The following GXYLT1 variants were observed in gnomAD, a reference collection of about 807,000 sequenced individuals.
GXYLT1 encodes the protein glycosyltransferase 8 domain containing 3.
GXYLT1 carries 29 observed loss-of-function variants against 54.0 expected under a neutral mutation model. The ratio of observed to expected loss-of-function variants is 0.54; its 90% confidence interval spans 0.40 to 0.73. The LOEUF is 0.73. Among genes scored for constraint, GXYLT1 ranks in the 30% least tolerant of loss-of-function variants. The probability of loss-of-function intolerance (pLI) is 0.00; values close to 1 mark genes in which losing one functional copy is unlikely to be tolerated. For missense variants in GXYLT1, 490 were observed against 553.4 expected (o/e 0.89, Z 1.15); for synonymous variants, 176 against 204.1 (o/e 0.86, Z 1.17).
At chr12:42,093,201 G>T (rs575586254) in intron 7 of GXYLT1, among the ~76,000 whole-genome samples, 1 of 152,184 alleles carries the variant, frequency 6.6e-6, no homozygotes, top group African/African-American at 2.4e-5. Context: ...AGGTTCAAGC[G>T]ATTCTCTTGC....
intron 3 of GXYLT1, among the ~76,000 whole-genome samples, chr12:42,118,620 G>A (rs912261266): frequency 2.0e-4 from 31 of 152,180 alleles, no homozygotes; most frequent in African/African-American, 7.5e-4. Flanking sequence ...ATCTCAAATT[G>A]TAATTCCCAC....
chr12:42,106,151 C>A, intron 4 of GXYLT1, 82 bp from the exon 5 acceptor site: 1 of 898,106 alleles, frequency 1.1e-6, no homozygotes, highest in South Asian at 1.6e-5. Flanking sequence ...GTGTAAGATA[C>A]ACCTAAGAGA....
intron 2 of GXYLT1, among the ~76,000 whole-genome samples, chr12:42,120,826 G>A (rs571543940): frequency 5.3e-5 from 8 of 152,180 alleles, no homozygotes; most frequent in East Asian, 1.9e-4. Flanking sequence ...ATGAGCCAGC[G>A]CACCTGGCCA....
chr12:42,111,308 G>A (rs1216535435), intron 3 of GXYLT1, among the ~76,000 whole-genome samples: 1 of 152,266 alleles, frequency 6.6e-6, no homozygotes, highest in Non-Finnish European at 1.5e-5. Context: ...AGCGCACCGT[G>A]CGCGAGCCGA....
chr12:42,095,066 G>C (rs564211225), intron 7 of GXYLT1, among the ~76,000 whole-genome samples: 1 of 152,092 alleles, frequency 6.6e-6, no homozygotes, highest in Non-Finnish European at 1.5e-5. Context: ...AACTTCACTC[G>C]TAAGAGAAAT....
rs824695 is a variant in GXYLT1 at position 42,109,703 on chromosome 12, T to A, written c.487-12A>T. On this transcript the variant is annotated splice_polypyrimidine_tract_variant and intron_variant, in intron 3 of 7. Coordinates refer to ENST00000398675, the MANE Select transcript of GXYLT1 (RefSeq NM_173601.2). ...GACCAGTTGTCAAGCTAAAACAATT[T>A]AAAAAAAAACTGTTTAGTTTCACTC... is the stretch of plus-strand genomic sequence containing the variant. 1,347,155 of 1,390,230 alleles carry A rather than the reference T, an allele frequency of 0.97. 652,806 individuals are homozygous for A. Among genetic ancestry groups the A allele is most frequent in the East Asian group, 1 (40,580 of 40,722 alleles). The allele number at this position is 1,390,230 out of a possible 1,614,324, so 86.1% of individuals were successfully genotyped here. A position where few individuals can be genotyped will look rare whatever the true frequency, so the allele number is the denominator to read the frequency against.
At chr12:42,089,950 A>G (rs911107007) in intron 7 of GXYLT1, among the ~76,000 whole-genome samples, 12 of 152,228 alleles carry the variant, frequency 7.9e-5, no homozygotes, top group Admixed American at 3.3e-4. Context: ...AGCCCAAACT[A>G]CTATGATCAT....
At chr12:42,117,107 A>T (rs2065500538) in intron 3 of GXYLT1, among the ~76,000 whole-genome samples, 1 of 132,914 alleles carries the variant, frequency 7.5e-6, no homozygotes, top group African/African-American at 2.8e-5. Context: ...GAAGGGGAAC[A>T]TCACACATCG....
At chr12:42,119,757 G>A (rs1024589633) in intron 2 of GXYLT1, among the ~76,000 whole-genome samples, 3 of 152,182 alleles carry the variant, frequency 2.0e-5, no homozygotes, top group African/African-American at 7.2e-5. Context: ...GCAGTGAGCT[G>A]TAATTGTGCC....
chr12:42,095,148 T>C (rs1424419869), intron 7 of GXYLT1, among the ~76,000 whole-genome samples: 1 of 152,234 alleles, frequency 6.6e-6, no homozygotes, highest in Non-Finnish European at 1.5e-5. Flanking sequence ...CTTGATACTA[T>C]ACTCTGTTGA....
rs779635085 is a variant in GXYLT1 at position 42,105,875 on chromosome 12, T to A, written c.807A>T (p.Gly269=). ...FARHPYYGKT[G]VNSGVMLMNM... is the part of the protein sequence containing the mutation. ...TCATCAACATAACTCCAGAGTTTAC[T>A]CCAGTTTTTCCATAATATGGATGCC... The change falls in exon 5 of 8, where the codon GGA becomes GGT. Residue 269 remains glycine, a synonymous_variant. Coordinates refer to ENST00000398675, the MANE Select transcript of GXYLT1 (RefSeq NM_173601.2). The A allele has an allele frequency of 6.8e-6, 11 of 1,613,394 alleles. No individual in the cohort carries two copies. The highest frequency in any genetic ancestry group is 2.2e-5 in the East Asian group (1 of 44,862).
rs892508244 is a variant in GXYLT1 at position 42,113,861 on chromosome 12, T to C, written c.487-4170A>G. 2.6e-4 allele frequency among the ~76,000 whole-genome samples: 39 copies of C among 151,116 alleles called. No individual in the cohort carries two copies. In the South Asian group the frequency reaches 3.7e-3, roughly 14 times the overall value. On this transcript the variant is annotated intron_variant, in intron 3 of 7. Transcript: ENST00000398675. The stretch of plus-strand genomic sequence containing the variant: ...GCACCACACCACACCTACTCCAAAA[T>C]TGACCACATAGTTGGAAGTAAAGCA...
chr12:42,115,798 C>G (rs1227703800), intron 3 of GXYLT1, among the ~76,000 whole-genome samples: 2 of 151,180 alleles, frequency 1.3e-5, no homozygotes, highest in Admixed American at 6.6e-5. Flanking sequence ...TCATATGGAA[C>G]CAAAAAAGAG....
intron 1 of GXYLT1, among the ~76,000 whole-genome samples, chr12:42,143,816 G>A (rs2065664623): frequency 1.3e-5 from 2 of 152,242 alleles, no homozygotes; most frequent in South Asian, 4.1e-4. Context: ...ACTTGAGCAC[G>A]CCAAGTATCG....
At chr12:42,112,532 A>T (rs1363842308) in intron 3 of GXYLT1, among the ~76,000 whole-genome samples, 1 of 152,176 alleles carries the variant, frequency 6.6e-6, no homozygotes, top group Non-Finnish European at 1.5e-5. Context: ...AACTGGAAGA[A>T]AGGGTATCAG....
chr12:42,125,078 G>A (rs561518189), intron 2 of GXYLT1, among the ~76,000 whole-genome samples: 2 of 152,196 alleles, frequency 1.3e-5, no homozygotes, highest in Non-Finnish European at 2.9e-5. Flanking sequence ...CAATAACCAA[G>A]AGGAGACAGA....
intron 5 of GXYLT1, among the ~76,000 whole-genome samples, chr12:42,100,772 AG>A (rs1413246351): frequency 6.6e-6 from 1 of 152,146 alleles, no homozygotes; most frequent in African/African-American, 2.4e-5. Context: ...GGATCTGAAA[AG>A]AAAAATATCA....
intron 5 of GXYLT1, among the ~76,000 whole-genome samples, chr12:42,104,491 A>C (rs1416297423): frequency 6.6e-6 from 1 of 152,176 alleles, no homozygotes; most frequent in Non-Finnish European, 1.5e-5. Context: ...TTATTAATGC[A>C]ATCAGTTGTG....
intron 1 of GXYLT1, among the ~76,000 whole-genome samples, chr12:42,142,793 C>A (rs1479665722): frequency 6.6e-6 from 1 of 152,102 alleles, no homozygotes; most frequent in East Asian, 1.9e-4. Context: ...TGTTCCCCTG[C>A]CCAAATGGTT....
Sources: allele counts gnomAD v4.1 joint callset (sites outside exome capture counted in the v4.1 genomes callset), GRCh38; gene constraint gnomAD v4.1.1; transcripts MANE v1.5; gene names NCBI Gene and HGNC (gene_info 2026-07-23, HGNC 2026-07-21).